Variants in MAP3K13 observed in about 807,000 individuals in gnomAD.
The protein encoded by MAP3K13 is leucine zipper-bearing kinase.
Under a neutral mutation model 104.0 loss-of-function variants are expected in MAP3K13, and 52 were observed. The ratio of observed to expected loss-of-function variants is 0.50; its 90% CI spans 0.40 to 0.63. The LOEUF (loss-of-function observed/expected upper bound fraction) is 0.63, where lower values mean the gene tolerates loss of function less well. Among genes scored for constraint, MAP3K13 ranks in the 20% least tolerant of loss-of-function variants. The probability of loss-of-function intolerance (pLI) is 0.00; values close to 1 mark genes in which losing one functional copy is unlikely to be tolerated. For synonymous variants in MAP3K13, 394 were observed against 442.2 expected (o/e 0.89, Z 1.37); for missense variants, 914 against 1,218.5 (o/e 0.75, Z 3.72).
At chr3:185,367,024 C>A (rs1312324080) in intron 1 of MAP3K13, among the ~76,000 whole-genome samples, 2 of 152,108 alleles carry the variant, frequency 1.3e-5, no homozygotes, top group East Asian at 1.9e-4. Flanking sequence ...TAAAGATTTA[C>A]TTCTATGTTT....
chr3:185,397,330 G>A (rs1334084928), intron 1 of MAP3K13, among the ~76,000 whole-genome samples: 1 of 152,202 alleles, frequency 6.6e-6, no homozygotes, highest in Non-Finnish European at 1.5e-5. Flanking sequence ...TCAGTTTGCA[G>A]ATGAGGAAAT....
At chr3:185,440,265 A>G (rs1449953489) in intron 3 of MAP3K13, among the ~76,000 whole-genome samples, 3 of 152,200 alleles carry the variant, frequency 2.0e-5, no homozygotes, top group African/African-American at 7.2e-5. Context: ...AAACCTTGTC[A>G]TAGTACAGGG....
At chr3:185,286,896 T>G (rs1209565557) in intron 2 of MAP3K13, among the ~76,000 whole-genome samples, 1 of 152,106 alleles carries the variant, frequency 6.6e-6, no homozygotes, top group Non-Finnish European at 1.5e-5. Flanking sequence ...TGTATTTTCA[T>G]AATGCTAGGA....
chr3:185,455,277 GATATATGAGATAT>G lies in MAP3K13; in HGVS notation c.1278+3900_1278+3912del, dbSNP rs1421350873. Among the ~76,000 whole-genome samples, 8 of 34,774 alleles carry G rather than the reference GATATATGAGATAT, an allele frequency of 2.3e-4. 1 individual carries two copies. Among genetic ancestry groups the G allele is most frequent in the Admixed American group, 8.4e-4 (2 of 2,372 alleles). 22.8% of individuals were successfully genotyped at this position (34,774 alleles called of 152,430 possible). On this transcript the variant is annotated intron_variant, in intron 7 of 13. Coordinates refer to ENST00000265026, the MANE Select transcript of MAP3K13 (RefSeq NM_004721.5). The stretch of plus-strand genomic sequence containing the variant: ...TATGAGATATATGAGATATATATGA[GATATATGAGATAT>G]ATATATGAGATATATATGAGATATA...
At chr3:185,362,210 T>C (rs1723655438), upstream of MAP3K13, among the ~76,000 whole-genome samples, 1 of 152,234 alleles carries the variant, frequency 6.6e-6, no homozygotes, top group Non-Finnish European at 1.5e-5. Flanking sequence ...TCAGTATTTG[T>C]CAAGTATTAG....
At chr3:185,314,090 T>G (rs1461317129) in intron 2 of MAP3K13, among the ~76,000 whole-genome samples, 2 of 152,250 alleles carry the variant, frequency 1.3e-5, no homozygotes, top group East Asian at 3.8e-4. Context: ...GCACTTCTGT[T>G]GCTGTATTAC....
At chr3:185,360,380 G>T (rs1723554602), upstream of MAP3K13, among the ~76,000 whole-genome samples, 1 of 152,080 alleles carries the variant, frequency 6.6e-6, no homozygotes, top group Admixed American at 6.5e-5. Flanking sequence ...AGTTCTCTTG[G>T]GCTGTACTTC....
At chr3:185,463,471 A>G in intron 7 of MAP3K13, 79 bp from the exon 8 acceptor site, 1 of 792,728 alleles carries the variant, frequency 1.3e-6, no homozygotes, top group Non-Finnish European at 2.1e-6. Context: ...AGGGAAAAAA[A>G]ATCTTGTACG....
intron 7 of MAP3K13, among the ~76,000 whole-genome samples, chr3:185,454,587 T>TAAATAG (rs1716202591): frequency 1.1e-5 from 1 of 90,764 alleles, no homozygotes; most frequent in Non-Finnish European, 2.1e-5. Flanking sequence ...ATATATATGA[T>TAAATAG]ATATAGATAT....
chr3:185,390,548 A>T (rs953050183), intron 1 of MAP3K13, among the ~76,000 whole-genome samples: 16 of 151,392 alleles, frequency 1.1e-4, no homozygotes, highest in Non-Finnish European at 1.8e-4. Context: ...ACAAAGCAGG[A>T]TTTTATTCTT....
intron 13 of MAP3K13, among the ~76,000 whole-genome samples, chr3:185,480,942 C>T (rs1718411071): frequency 6.6e-6 from 1 of 152,146 alleles, no homozygotes; most frequent in South Asian, 2.1e-4. Flanking sequence ...AGTCACTTCC[C>T]ACCAGGTGCC....
At chr3:185,291,780 A>C (rs1003931599) in intron 2 of MAP3K13, 2 of 1,441,576 alleles carry the variant, frequency 1.4e-6, no homozygotes, top group African/African-American at 2.9e-5. Flanking sequence ...TAAAGGGGCT[A>C]AAATCCATTA....
intron 2 of MAP3K13, among the ~76,000 whole-genome samples, chr3:185,339,607 T>C (rs1722643242): frequency 6.6e-6 from 1 of 152,222 alleles, no homozygotes; most frequent in Non-Finnish European, 1.5e-5. Flanking sequence ...AAGGGCCACA[T>C]ATAAATATCT....
intron 2 of MAP3K13, among the ~76,000 whole-genome samples, chr3:185,294,402 T>A (rs961958973): frequency 6.6e-6 from 1 of 152,206 alleles, no homozygotes; most frequent in Non-Finnish European, 1.5e-5. Flanking sequence ...AATGCTGTCT[T>A]TAGTGCCCTG....
chr3:185,446,667 T>C (rs1715609585), intron 4 of MAP3K13, among the ~76,000 whole-genome samples: 1 of 152,212 alleles, frequency 6.6e-6, no homozygotes, highest in South Asian at 2.1e-4. Context: ...CTTGGATTTA[T>C]TTCTGCTTTT....
chr3:185,291,557 TA>T lies in MAP3K13; in HGVS notation c.-86+5921del, dbSNP rs1720739341. On this transcript the variant is annotated intron_variant, in intron 2 of 14. Transcript: ENST00000424227. ...CCCAAAAGTAGTTTTTAATTTCCCT[TA>T]AAAAAATTATTAGACTTGTAGTAGA... 1.3e-5 allele frequency: 19 copies of T among 1,458,862 alleles called. No homozygotes were observed. In the East Asian group the frequency reaches 1.5e-4, roughly 12 times the overall value. The allele number at this position is 1,458,862 out of a possible 1,614,324, so 90.4% of individuals were successfully genotyped here. A position where few individuals can be genotyped will look rare whatever the true frequency, so the allele number is the denominator to read the frequency against.
intron 13 of MAP3K13, among the ~76,000 whole-genome samples, chr3:185,480,822 G>A (rs1481333830): frequency 6.6e-6 from 1 of 152,180 alleles, no homozygotes; most frequent in African/African-American, 2.4e-5. Context: ...CATGGTGGTA[G>A]GAGAGAGAAA....
chr3:185,360,816 A>G (rs1364412876), upstream of MAP3K13, among the ~76,000 whole-genome samples: 2 of 125,004 alleles, frequency 1.6e-5, no homozygotes, highest in East Asian at 2.4e-4. Context: ...CAACAGCTTT[A>G]GCTTTTTTTT....
rs956312325 is a variant in MAP3K13 at position 185,487,498 on chromosome 3, G to A, written c.*5042G>A. 1 of 151,942 alleles carries A rather than the reference G, an allele frequency of 6.6e-6. No homozygotes were observed. Among genetic ancestry groups the A allele is most frequent in the Non-Finnish European group, 1.5e-5 (1 of 68,010 alleles). The allele number at this position is 151,942 out of a possible 1,614,324, so 9.4% of individuals were successfully genotyped here. On this transcript the variant is annotated 3_prime_UTR_variant, in exon 14 of 14. Transcript: ENST00000265026. ...TATTTTAAATGCCCTCTCCCACTGTGGAACATTGGCATCCTTTAAGAATAA... is the reference window on the plus strand; with the variant it reads ...TATTTTAAATGCCCTCTCCCACTGTAGAACATTGGCATCCTTTAAGAATAA...
Sources: gnomAD v4.1 joint callset for allele counts (sites outside exome capture counted in the v4.1 genomes callset) on GRCh38, gnomAD v4.1.1 for gene constraint, MANE v1.5 for transcripts, NCBI Gene and HGNC (gene_info 2026-07-23, HGNC 2026-07-21) for gene names.